The following AADAT variants were observed in gnomAD, a reference collection of about 807,000 sequenced individuals.
The protein encoded by AADAT is kynurenine/alpha-aminoadipate aminotransferase, mitochondrial.
In AADAT, 25 loss-of-function variants were observed where a neutral mutation model predicts 56.2. The observed-to-expected ratio is 0.44, with a 90% CI of 0.32 to 0.62. The LOEUF is 0.62. Among genes scored for constraint, AADAT ranks in the 20% least tolerant of loss-of-function variants. AADAT has a pLI of 0.04. For synonymous variants in AADAT, 173 were observed against 164.7 expected (o/e 1.05, Z -0.39); for missense variants, 387 against 510.5 (o/e 0.76, Z 2.33).
At chr4:170,068,301 A>T (rs1561013121) in intron 8 of AADAT, among the ~76,000 whole-genome samples, 1 of 152,168 alleles carries the variant, frequency 6.6e-6, no homozygotes, top group Non-Finnish European at 1.5e-5. Context: ...ATTCTACACA[A>T]ACTTTTCTAT....
chr4:170,075,459 T>C (rs1731986705), intron 4 of AADAT, among the ~76,000 whole-genome samples: 1 of 152,122 alleles, frequency 6.6e-6, no homozygotes, highest in South Asian at 2.1e-4. Flanking sequence ...CTCAGTCTTC[T>C]GCCTGGTTAA....
chr4:170,075,887 C>A (rs1200893661), intron 4 of AADAT, among the ~76,000 whole-genome samples: 2 of 152,180 alleles, frequency 1.3e-5, no homozygotes, highest in African/African-American at 2.4e-5. Context: ...AAAATGCTTT[C>A]AAGGTTCATC....
At chr4:170,079,705 C>CT (rs1732198259) in intron 3 of AADAT, among the ~76,000 whole-genome samples, 1 of 152,092 alleles carries the variant, frequency 6.6e-6, no homozygotes, top group African/African-American at 2.4e-5. Flanking sequence ...GGTTATGGAA[C>CT]TAGATAGATG....
rs770915677 is a variant in AADAT, at chr4:170,060,288, T to A, written c.*640A>T. The A allele has an allele frequency of 1.3e-5, 2 of 152,108 alleles. No homozygotes were observed. Among genetic ancestry groups the A allele is most frequent in the African/African-American group, 4.8e-5 (2 of 41,440 alleles). The allele number at this position is 152,108 out of a possible 1,614,324, so 9.4% of individuals were successfully genotyped here. On this transcript the variant is annotated 3_prime_UTR_variant, in exon 13 of 13. Transcript: ENST00000337664. The stretch of plus-strand genomic sequence containing the variant: ...GCATAACATAAGGTTTATGGTACTT[T>A]TACTAAAAGTCACTTATAATGACCA...
At chr4:170,067,289 T>C in intron 9 of AADAT, 38 bp downstream of exon 9, 1 of 1,503,198 alleles carries the variant, frequency 6.7e-7, no homozygotes, top group Non-Finnish European at 9.2e-7. Flanking sequence ...ACTGGGCTCC[T>C]GTTTTGTTCA....
chr4:170,079,792 T>C (rs1001334387), intron 3 of AADAT, among the ~76,000 whole-genome samples: 6 of 152,104 alleles, frequency 3.9e-5, no homozygotes, highest in African/African-American at 1.4e-4. Flanking sequence ...TTTGTTTTAG[T>C]GTGAGGTGCC....
rs1732750314 is a variant in AADAT at position 170,089,893 on chromosome 4, C to T, written c.-203G>A. The T allele has an allele frequency of 1.7e-6, 1 of 598,354 alleles. No individual in the cohort carries two copies. Among genetic ancestry groups the T allele is most frequent in the Non-Finnish European group, 3.0e-6 (1 of 336,040 alleles). The allele number at this position is 598,354 out of a possible 1,614,324, so 37.1% of individuals were successfully genotyped here. A position where few individuals can be genotyped will look rare whatever the true frequency, so the allele number is the denominator to read the frequency against. On this transcript the variant is annotated 5_prime_UTR_variant, in exon 1 of 13. Coordinates refer to ENST00000337664, the MANE Select transcript of AADAT (RefSeq NM_016228.4). ...CCGGCTGGACGCTGCGTTCGGTCTC[C>T]CGGTCCTAAACGGGTCTGGGGCTGT...
At chr4:170,079,187 T>C (rs549744720) in intron 3 of AADAT, among the ~76,000 whole-genome samples, 26 of 152,346 alleles carry the variant, frequency 1.7e-4, no homozygotes, top group African/African-American at 6.3e-4. Flanking sequence ...TAGGAAGACC[T>C]AGGCATTCAG....
chr4:170,089,287 T>C (rs1380670881), intron 1 of AADAT: 3 of 524,406 alleles, frequency 5.7e-6, no homozygotes, highest in African/African-American at 5.7e-5. Flanking sequence ...TACACCCATC[T>C]GCACGCTGTG....
At chr4:170,091,002 C>T (rs971202393), upstream of AADAT, among the ~76,000 whole-genome samples, 16 of 152,234 alleles carry the variant, frequency 1.1e-4, no homozygotes, top group African/African-American at 2.9e-4. Context: ...GCTGAGATAA[C>T]CCAGTAAAAT....
rs773074451 is a variant in AADAT, at chr4:170,060,952, T to G, written c.1254A>C (p.Ala418=). Residue 418 remains alanine (A), a synonymous_variant, in exon 13 of 13, where the codon GCA becomes GCC. Transcript: ENST00000337664. The part of the protein sequence containing the change: ...EQMDVAFQVL[A]QLIKESL ...TTCATAAAGATTCTTTTATAAGTTG[T>G]GCTAATACCTGGAAGGCCTAAAACA... 3 of 1,539,826 alleles carry G rather than the reference T, an allele frequency of 1.9e-6. No individual in the cohort carries two copies. In the South Asian group the frequency reaches 3.6e-5, roughly 19 times the overall value.
intron 5 of AADAT, among the ~76,000 whole-genome samples, chr4:170,072,677 TA>T (rs1490319778): frequency 2.6e-5 from 4 of 152,162 alleles, no homozygotes; most frequent in African/African-American, 2.4e-5. Context: ...GTTTGATACT[TA>T]AAAAAATGTT....
At chr4:170,092,610 G>A (rs1342907530), upstream of AADAT, among the ~76,000 whole-genome samples, 3 of 152,158 alleles carry the variant, frequency 2.0e-5, no homozygotes, top group Non-Finnish European at 4.4e-5. Flanking sequence ...AGAAACCCAC[G>A]AGGCAAAATG....
In AADAT at chr4:170,089,677, C is replaced by T; in HGVS notation, c.14G>A (p.Arg5Gln). ...GGCTGCGCTCGCTGCCGTGATGAAC[C>T]GTGCGTAATTCATGTCTTCTGACAG... MNYA[R>Q]FITAASAARN... The change falls in exon 1 of 13, where the codon CGG becomes CAG. Residue 5 changes from arginine to glutamine, a missense_variant. Transcript: ENST00000337664. 1 of 1,614,196 alleles carries T rather than the reference C, an allele frequency of 6.2e-7. No homozygotes were observed. Among genetic ancestry groups the T allele is most frequent in the Non-Finnish European group, 8.5e-7 (1 of 1,180,036 alleles).
upstream of AADAT, among the ~76,000 whole-genome samples, chr4:170,092,189 A>C (rs1732873103): frequency 6.6e-6 from 1 of 152,244 alleles, no homozygotes; most frequent in Non-Finnish European, 1.5e-5. Context: ...ATACTTTTGC[A>C]GCGTGTGGTG....
intron 11 of AADAT, among the ~76,000 whole-genome samples, chr4:170,063,303 A>AT (rs1482779731): frequency 1.3e-5 from 2 of 152,218 alleles, no homozygotes; most frequent in Admixed American, 1.3e-4. Flanking sequence ...GCTGGAGATT[A>AT]TTTAGAAAAG....
chr4:170,081,382 A>C (rs986767931), intron 3 of AADAT, among the ~76,000 whole-genome samples: 3 of 152,226 alleles, frequency 2.0e-5, no homozygotes, highest in African/African-American at 7.2e-5. Flanking sequence ...AGCAGTACAA[A>C]GCTTATTTAA....
intron 5 of AADAT, among the ~76,000 whole-genome samples, chr4:170,072,281 G>A (rs199498851): frequency 6.8e-6 from 1 of 146,746 alleles, no homozygotes; most frequent in Non-Finnish European, 1.5e-5. Context: ...GTGTGTGTGT[G>A]TATATATATG....
chr4:170,066,563 T>G (rs1467559094), intron 9 of AADAT, 85 bp from the exon 10 acceptor site: 1 of 976,462 alleles, frequency 1.0e-6, no homozygotes. Flanking sequence ...GCTATAAGAA[T>G]TTGTTTTCTA....
Sources: gnomAD v4.1 joint callset for allele counts (sites outside exome capture counted in the v4.1 genomes callset) on GRCh38, gnomAD v4.1.1 for gene constraint, MANE v1.5 for transcripts, NCBI Gene and HGNC (gene_info 2026-07-23, HGNC 2026-07-21) for gene names.